The following DLGAP1 variants were observed in gnomAD, a reference collection of about 807,000 sequenced individuals.
The protein encoded by DLGAP1 is disks large-associated protein 1.
In DLGAP1, 11 loss-of-function variants were observed where a neutral mutation model predicts 90.8. The ratio of observed to expected loss-of-function variants is 0.12; its 90% CI spans 0.08 to 0.20. DLGAP1 has a LOEUF of 0.20. DLGAP1 is among the 10% of genes least tolerant of loss of function. The pLI is 1.00. For missense variants in DLGAP1, 1,050 were observed against 1,333.8 expected (o/e 0.79, Z 3.31); for synonymous variants, 558 against 540.7 (o/e 1.03, Z -0.44).
intron 2 of DLGAP1, among the ~76,000 whole-genome samples, chr18:4,078,766 G>A (rs1001108410): frequency 6.6e-5 from 10 of 152,120 alleles, no homozygotes; most frequent in South Asian, 6.2e-4. Flanking sequence ...GGAGGAAGAC[G>A]GGAGGTATGA....
intron 2 of DLGAP1, among the ~76,000 whole-genome samples, chr18:4,137,707 T>C (rs1364368141): frequency 1.3e-5 from 2 of 152,176 alleles, no homozygotes; most frequent in African/African-American, 4.8e-5. Context: ...AGTCCGTAGA[T>C]TGCTTTGGAT....
intron 1 of DLGAP1, among the ~76,000 whole-genome samples, chr18:4,403,791 T>C (rs2874199): frequency 1 from 151,517 of 152,256 alleles, 75,398 homozygotes; most frequent in East Asian, 1. Context: ...CAAACTCCAG[T>C]TGAGTGTCCA....
At chr18:4,219,865 C>G (rs1330525096) in intron 1 of DLGAP1, among the ~76,000 whole-genome samples, 2 of 152,050 alleles carry the variant, frequency 1.3e-5, no homozygotes, top group Non-Finnish European at 2.9e-5. Flanking sequence ...CAGGACTATG[C>G]TGTTTTGATT....
chr18:3,865,989 G>C (rs1416293699), intron 4 of DLGAP1, among the ~76,000 whole-genome samples: 1 of 152,220 alleles, frequency 6.6e-6, no homozygotes, highest in Non-Finnish European at 1.5e-5. Flanking sequence ...GCTGTGGAAA[G>C]AGCACTAGCC....
intron 7 of DLGAP1, among the ~76,000 whole-genome samples, chr18:3,663,734 T>C (rs970440709): frequency 4.6e-5 from 7 of 152,178 alleles, no homozygotes; most frequent in African/African-American, 1.4e-4. Context: ...GTGCCAGGCA[T>C]GTGAATAATG....
intron 7 of DLGAP1, among the ~76,000 whole-genome samples, chr18:3,674,296 A>AAAAAAAAAAAAAAAAATATATAT (rs755076240): frequency 7.8e-6 from 1 of 128,992 alleles, no homozygotes; most frequent in African/African-American, 3.2e-5. Flanking sequence ...ATAATATTAA[A>AAAAAAAAAAAAAAAAATATATAT]ATATATATAT....
intron 2 of DLGAP1, among the ~76,000 whole-genome samples, chr18:4,032,334 C>G (rs2074809042): frequency 6.6e-6 from 1 of 152,110 alleles, no homozygotes; most frequent in East Asian, 1.9e-4. Flanking sequence ...TGTAGTCTAC[C>G]TATTGATATT....
chr18:3,755,030 C>T (rs2063661573), intron 5 of DLGAP1, among the ~76,000 whole-genome samples: 1 of 152,058 alleles, frequency 6.6e-6, no homozygotes, highest in Non-Finnish European at 1.5e-5. Flanking sequence ...ATTATAACTG[C>T]TATAATTAAT....
At chr18:3,724,506 G>A (rs569656301) in intron 7 of DLGAP1, among the ~76,000 whole-genome samples, 4 of 152,046 alleles carry the variant, frequency 2.6e-5, no homozygotes, top group African/African-American at 9.7e-5. Flanking sequence ...AACTTTGGGA[G>A]GCCAAGGCGG....
chr18:3,855,563 G>A (rs1164345699), intron 4 of DLGAP1, among the ~76,000 whole-genome samples: 1 of 152,152 alleles, frequency 6.6e-6, no homozygotes, highest in South Asian at 2.1e-4. Flanking sequence ...TATATTTCCT[G>A]TTGTTTTACA....
chr18:3,581,685 G>T (rs200499880), intron 8 of DLGAP1, among the ~76,000 whole-genome samples, 190 bp downstream of exon 8: 1 of 132,454 alleles, frequency 7.5e-6, no homozygotes, highest in African/African-American at 2.8e-5. Flanking sequence ...AAAAAGAAAA[G>T]AAAATACTTT....
At chr18:4,299,349 G>A (rs915770424) in intron 1 of DLGAP1, among the ~76,000 whole-genome samples, 1 of 152,134 alleles carries the variant, frequency 6.6e-6, no homozygotes, top group Admixed American at 6.6e-5. Context: ...AAAGAATTAA[G>A]ATTTCTTTGA....
chr18:3,889,059 C>T (rs943434169), intron 3 of DLGAP1, among the ~76,000 whole-genome samples: 14 of 151,968 alleles, frequency 9.2e-5, no homozygotes, highest in Admixed American at 8.5e-4. Flanking sequence ...TATGCGGGTA[C>T]AATTGATGGG....
intron 3 of DLGAP1, among the ~76,000 whole-genome samples, chr18:3,927,017 G>T (rs1267047637): frequency 1.3e-5 from 2 of 152,058 alleles, no homozygotes; most frequent in Non-Finnish European, 2.9e-5. Context: ...AAAAATTTAA[G>T]CAGTACAATG....
In DLGAP1 at chr18:3,711,780, T is replaced by C. The variant is rs9961080; in HGVS notation, c.1591+17355A>G. 7.6e-3 allele frequency among the ~76,000 whole-genome samples: 1,152 copies of C among 152,102 alleles called. 15 individuals are homozygous for C. Among genetic ancestry groups the C allele is most frequent in the African/African-American group, 0.027 (1,112 of 41,506 alleles). On this transcript the variant is annotated intron_variant, in intron 7 of 12. Coordinates refer to ENST00000315677, the MANE Select transcript of DLGAP1 (RefSeq NM_004746.4). The surrounding 1 kb of genome is among the most constrained non-coding windows in gnomAD (Gnocchi z 4.0). ...CTTGAGCCCGGGAGATCAAGGCTGT[T>C]GTGAGCCATGATCATGCCACTGCAC...
At chr18:3,832,813 A>G (rs1462023499) in intron 4 of DLGAP1, among the ~76,000 whole-genome samples, 1 of 152,196 alleles carries the variant, frequency 6.6e-6, no homozygotes, top group African/African-American at 2.4e-5. Flanking sequence ...AGGGGCAAGA[A>G]GGCCCTTGTG....
intron 1 of DLGAP1, among the ~76,000 whole-genome samples, chr18:4,397,064 G>A (rs1274635806): frequency 6.6e-6 from 1 of 152,184 alleles, no homozygotes; most frequent in Non-Finnish European, 1.5e-5. Flanking sequence ...TGCAACCAAG[G>A]CAGGGTGTTT....
At chr18:3,703,555 C>T (rs925393972) in intron 7 of DLGAP1, among the ~76,000 whole-genome samples, 1 of 152,180 alleles carries the variant, frequency 6.6e-6, no homozygotes, top group African/African-American at 2.4e-5. Context: ...CAGAGGAGAG[C>T]GAGTGGCTGT....
At chr18:3,786,631 C>T (rs2065462759) in intron 5 of DLGAP1, among the ~76,000 whole-genome samples, 1 of 152,160 alleles carries the variant, frequency 6.6e-6, no homozygotes, top group Non-Finnish European at 1.5e-5. Context: ...TGACCAATCA[C>T]CTGCAGTCAC....
Sources: allele counts gnomAD v4.1 joint callset (sites outside exome capture counted in the v4.1 genomes callset), GRCh38; gene constraint gnomAD v4.1.1; non-coding constraint Gnocchi (gnomAD v3.1); transcripts MANE v1.5; gene names NCBI Gene and HGNC (gene_info 2026-07-23, HGNC 2026-07-21).